Variants in LAMA2 observed in about 807,000 individuals in gnomAD.
LAMA2 encodes laminin subunit alpha 2, also known as laminin subunit alpha-2.
In LAMA2, 269 loss-of-function variants were observed where a neutral mutation model predicts 364.8. The ratio of observed to expected loss-of-function variants is 0.74; its 90% CI spans 0.67 to 0.82. The LOEUF (loss-of-function observed/expected upper bound fraction) is 0.82, where lower values mean the gene tolerates loss of function less well. LAMA2 is among the 40% of genes least tolerant of loss of function. The pLI is 0.00. For synonymous variants in LAMA2, 1,379 were observed against 1,370.6 expected (o/e 1.01, Z -0.14); for missense variants, 3,807 against 3,873.2 (o/e 0.98, Z 0.45).
chr6:129,488,734 G>A (rs747867248), intron 56 of LAMA2, among the ~76,000 whole-genome samples: 6 of 152,018 alleles, frequency 3.9e-5, no homozygotes, highest in South Asian at 2.1e-4. Flanking sequence ...TGGCTCATTC[G>A]GCACTCTAAG....
At chr6:129,365,966 T>C (rs1777749643) in intron 32 of LAMA2, among the ~76,000 whole-genome samples, 1 of 152,222 alleles carries the variant, frequency 6.6e-6, no homozygotes, top group Non-Finnish European at 1.5e-5. Context: ...TATTTGCTCC[T>C]CCTCTTTGGT....
At chr6:128,912,825 A>G (rs185683304) in intron 1 of LAMA2, among the ~76,000 whole-genome samples, 1 of 152,324 alleles carries the variant, frequency 6.6e-6, no homozygotes, top group Non-Finnish European at 1.5e-5. Context: ...TCCATCTAAC[A>G]GGAACAGGGC....
At chr6:129,365,685 T>A (rs923696916) in intron 32 of LAMA2, among the ~76,000 whole-genome samples, 2 of 151,676 alleles carry the variant, frequency 1.3e-5, no homozygotes, top group Non-Finnish European at 2.9e-5. Flanking sequence ...TTTTTTTTTT[T>A]AATTATTCTA....
intron 34 of LAMA2, among the ~76,000 whole-genome samples, chr6:129,378,834 C>G (rs1778519570): frequency 6.6e-6 from 1 of 152,146 alleles, no homozygotes. Context: ...AGGGATGATG[C>G]CTTCTATATA....
intron 1 of LAMA2, among the ~76,000 whole-genome samples, chr6:129,049,110 T>C (rs1450259601): frequency 6.6e-6 from 1 of 152,092 alleles, no homozygotes; most frequent in Non-Finnish European, 1.5e-5. Context: ...TATACTGTTA[T>C]TGAAAAAGGG....
At chr6:129,454,448 G>A (rs1012889238) in intron 47 of LAMA2, among the ~76,000 whole-genome samples, 160 bp downstream of exon 47, 1 of 152,086 alleles carries the variant, frequency 6.6e-6, no homozygotes, top group African/African-American at 2.4e-5. Context: ...GGGTATGTTT[G>A]TCATACTTCT....
chr6:128,921,189 A>G (rs753317042), intron 1 of LAMA2, among the ~76,000 whole-genome samples: 1 of 152,146 alleles, frequency 6.6e-6, no homozygotes, highest in Non-Finnish European at 1.5e-5. Flanking sequence ...CTCCTTTTTT[A>G]AAAGTTGGTA....
chr6:129,501,753 G>A (rs1252812735), intron 58 of LAMA2, among the ~76,000 whole-genome samples: 3 of 152,208 alleles, frequency 2.0e-5, no homozygotes, highest in Non-Finnish European at 4.4e-5. Flanking sequence ...GATGTCATAA[G>A]CAGCCTGTAT....
Position 129,489,185 on chromosome 6 carries a change from T to C in LAMA2, c.7898+2563T>C, listed in dbSNP as rs189691225. On this transcript the variant is annotated intron_variant, in intron 56 of 64. Transcript: ENST00000421865. ...CCCAACACTTTTCAGATTTTCAGAC[T>C]ATGCATGTCAGTCATCATTTCTTTT... Among the ~76,000 whole-genome samples the C allele has an allele frequency of 2.0e-5, 3 of 152,358 alleles. No homozygotes were observed. In the East Asian group the frequency reaches 5.8e-4, roughly 29 times the overall value.
chr6:129,447,028 G>A (rs528009026), intron 45 of LAMA2, among the ~76,000 whole-genome samples: 30 of 152,196 alleles, frequency 2.0e-4, no homozygotes, highest in Non-Finnish European at 3.4e-4. Flanking sequence ...CATTATGTAT[G>A]TAAAGCACAA....
rs560516529 is a variant in LAMA2 at position 129,144,814 on chromosome 6, A to G, written c.819+734A>G. 6.6e-4 allele frequency among the ~76,000 whole-genome samples: 101 copies of G among 152,160 alleles called. 1 individual carries two copies. The highest frequency in any genetic ancestry group is 2.4e-3 in the African/African-American group (100 of 41,546). On this transcript the variant is annotated intron_variant, in intron 5 of 64. Coordinates refer to ENST00000421865, the MANE Select transcript of LAMA2 (RefSeq NM_000426.4). Reference sequence around the variant, plus strand: ...GGGAAAAAGTTTAAAGCATCTTTTCAAAAGCTTTTTGAACACAAGAGCTAA... The same window carrying G: ...GGGAAAAAGTTTAAAGCATCTTTTCGAAAGCTTTTTGAACACAAGAGCTAA...
In LAMA2 at chr6:129,401,169, G is replaced by A. The variant is rs543518464; in HGVS notation, c.5446-55G>A. 1.1e-4 allele frequency: 120 copies of A among 1,070,564 alleles called. No individual in the cohort carries two copies. The African/African-American group carries it at 1.7e-3, about 15-fold the overall frequency. 66.3% of individuals were successfully genotyped at this position (1,070,564 alleles called of 1,614,324 possible). A position where few individuals can be genotyped will look rare whatever the true frequency, so the allele number is the denominator to read the frequency against. Reference sequence around the variant, plus strand: ...CAGCTCAGGAAAGTCAGGAATACAAGGGGTAGGATTTTATGAAAATGCAAT... The same window carrying A: ...CAGCTCAGGAAAGTCAGGAATACAAAGGGTAGGATTTTATGAAAATGCAAT... On this transcript the variant is annotated intron_variant, in intron 37 of 64. Transcript: ENST00000421865.
intron 32 of LAMA2, among the ~76,000 whole-genome samples, chr6:129,363,390 G>A (rs939202457): frequency 6.6e-6 from 1 of 152,166 alleles, no homozygotes; most frequent in Non-Finnish European, 1.5e-5. Context: ...AGGAGGGAAA[G>A]AGCCCAGGCA....
chr6:129,055,856 T>C (rs754601411), intron 2 of LAMA2, among the ~76,000 whole-genome samples: 6 of 152,250 alleles, frequency 3.9e-5, no homozygotes, highest in Non-Finnish European at 8.8e-5. Context: ...TTATCCCTGT[T>C]GAGGATGTTA....
At chr6:129,361,359 G>A (rs1292437346) in intron 32 of LAMA2, among the ~76,000 whole-genome samples, 1 of 152,164 alleles carries the variant, frequency 6.6e-6, no homozygotes, top group Admixed American at 6.5e-5. Flanking sequence ...AATCACATGT[G>A]CAAAACTTGA....
chr6:129,393,145 T>A lies in LAMA2; in HGVS notation c.5335T>A (p.Tyr1779Asn). 1 of 1,614,004 alleles carries A rather than the reference T, an allele frequency of 6.2e-7. No individual in the cohort carries two copies. The highest frequency in any genetic ancestry group is 2.2e-5 in the East Asian group (1 of 44,870). ...GGATCTCCGGGAAAAACTGGCTGAC[T>A]ACAAAAACAAAGTTGATGATGCTTG... ...EKDLREKLADYKNKVDDAWDL... is the reference protein window; with the variant it reads ...EKDLREKLADNKNKVDDAWDL... Residue 1779 changes from tyrosine (Y) to asparagine (N), a missense_variant, in exon 37 of 65, where the codon TAC becomes AAC. By Grantham distance (143) the Tyr-to-Asn change is moderately radical (BLOSUM62 -2). Coordinates refer to ENST00000421865, the MANE Select transcript of LAMA2 (RefSeq NM_000426.4).
intron 1 of LAMA2, among the ~76,000 whole-genome samples, chr6:129,015,189 T>C (rs1784997137): frequency 6.6e-6 from 1 of 152,110 alleles, no homozygotes; most frequent in Non-Finnish European, 1.5e-5. Context: ...TAATTAATTA[T>C]ATCGAATCTT....
At chr6:129,430,698 C>A (rs185460917) in intron 41 of LAMA2, among the ~76,000 whole-genome samples, 3 of 152,202 alleles carry the variant, frequency 2.0e-5, no homozygotes, top group African/African-American at 7.2e-5. Context: ...GGCGCAGTGG[C>A]TCATGCCCTG....
At chr6:129,407,164 G>C (rs963014477) in intron 40 of LAMA2, among the ~76,000 whole-genome samples, 11 of 152,074 alleles carry the variant, frequency 7.2e-5, no homozygotes, top group Non-Finnish European at 1.3e-4. Flanking sequence ...TTCCAGTCCA[G>C]TGACTCAAAT....
Sources: allele counts gnomAD v4.1 joint callset (sites outside exome capture counted in the v4.1 genomes callset), GRCh38; gene constraint gnomAD v4.1.1; transcripts MANE v1.5; gene names NCBI Gene and HGNC (gene_info 2026-07-23, HGNC 2026-07-21).